The following GRIA2 variants were observed in gnomAD, a reference collection of about 807,000 sequenced individuals.
GRIA2 encodes glutamate ionotropic receptor AMPA type subunit 2.
Under a neutral mutation model 97.3 loss-of-function variants are expected in GRIA2, and 14 were observed. The ratio of observed to expected loss-of-function variants is 0.14; its 90% confidence interval spans 0.10 to 0.23. The LOEUF (loss-of-function observed/expected upper bound fraction) is 0.23. GRIA2 is among the 10% of genes least tolerant of loss of function. The pLI is 1.00. For synonymous variants in GRIA2, 412 were observed against 387.8 expected (o/e 1.06, Z -0.73); for missense variants, 558 against 1,069.8 (o/e 0.52, Z 6.67).
At chr4:157,304,246 A>G (rs1018771600) in intron 3 of GRIA2, among the ~76,000 whole-genome samples, 8 of 152,168 alleles carry the variant, frequency 5.3e-5, no homozygotes, top group African/African-American at 1.7e-4. Context: ...AGATTCCCGA[A>G]TCTCAGAGAA....
At chr4:157,298,376 C>T (rs944897221) in intron 2 of GRIA2, among the ~76,000 whole-genome samples, 4 of 151,918 alleles carry the variant, frequency 2.6e-5, no homozygotes, top group African/African-American at 9.7e-5. Context: ...TGATGGATGA[C>T]ATGCATAGGA....
chr4:157,255,320 C>T (rs1181446097), intron 2 of GRIA2, among the ~76,000 whole-genome samples: 8 of 151,912 alleles, frequency 5.3e-5, no homozygotes, highest in African/African-American at 1.4e-4. Flanking sequence ...TGGACATTTA[C>T]GTTTATTTCA....
At chr4:157,311,798 T>C (rs1734092422) in intron 3 of GRIA2, among the ~76,000 whole-genome samples, 1 of 151,974 alleles carries the variant, frequency 6.6e-6, no homozygotes, top group African/African-American at 2.4e-5. Context: ...CTGTGAATAG[T>C]AGAAATAATA....
At chr4:157,302,925 A>G (rs796444917) in intron 2 of GRIA2, among the ~76,000 whole-genome samples, 5 of 152,214 alleles carry the variant, frequency 3.3e-5, no homozygotes, top group African/African-American at 1.2e-4. Context: ...GTAGTGTAAC[A>G]TATAGGGTAA....
At chr4:157,303,225 A>G (rs919180872) in intron 2 of GRIA2, among the ~76,000 whole-genome samples, 1 of 152,156 alleles carries the variant, frequency 6.6e-6, no homozygotes, top group Non-Finnish European at 1.5e-5. Flanking sequence ...AGGAGACTAC[A>G]GTTTGTTCTT....
In GRIA2 at chr4:157,361,693, C is replaced by T. The variant is rs1355960879; in HGVS notation, c.2406+569C>T. On this transcript the variant is annotated intron_variant, in intron 14 of 15. Coordinates refer to ENST00000264426, the MANE Select transcript of GRIA2 (RefSeq NM_001083619.3). This position sits in a 1 kb window ranked among gnomAD's most constrained non-coding sequence, Gnocchi z 5.2. Reference sequence around the variant, plus strand: ...TTTTATGTGAAAAAACAAAATCAAACACAAACAGCAAAATCAAACCACAAG... The same window carrying T: ...TTTTATGTGAAAAAACAAAATCAAATACAAACAGCAAAATCAAACCACAAG... The T allele has an allele frequency of 1.5e-6, 2 of 1,375,990 alleles. No individual in the cohort carries two copies. Among genetic ancestry groups the T allele is most frequent in the African/African-American group, 2.8e-5 (2 of 70,244 alleles). 85.2% of individuals were successfully genotyped at this position (1,375,990 alleles called of 1,614,324 possible). A position where few individuals can be genotyped will look rare whatever the true frequency, so the allele number is the denominator to read the frequency against.
intron 6 of GRIA2, among the ~76,000 whole-genome samples, chr4:157,327,351 A>G (rs1311858001): frequency 4.6e-5 from 7 of 152,158 alleles, no homozygotes; most frequent in Non-Finnish European, 8.8e-5. Flanking sequence ...AGATTTCTGC[A>G]TGTGTCCTCT....
At chr4:157,331,370 G>A (rs1172944259) in intron 6 of GRIA2, among the ~76,000 whole-genome samples, 2 of 151,788 alleles carry the variant, frequency 1.3e-5, no homozygotes, top group African/African-American at 4.8e-5. Context: ...ATGTGAGCAA[G>A]CTAAGTCAAA....
intron 12 of GRIA2, among the ~76,000 whole-genome samples, chr4:157,350,918 AC>A (rs1350900298): frequency 6.7e-6 from 1 of 148,794 alleles, no homozygotes; most frequent in Non-Finnish European, 1.5e-5. Flanking sequence ...GTTTAATTTT[AC>A]ATTAGTTTTT....
chr4:157,345,910 A>G (rs1735744217), intron 12 of GRIA2, among the ~76,000 whole-genome samples: 2 of 152,200 alleles, frequency 1.3e-5, no homozygotes, highest in African/African-American at 4.8e-5. Flanking sequence ...TCTGCAAAAG[A>G]TAAATTTAGT....
intron 2 of GRIA2, among the ~76,000 whole-genome samples, chr4:157,285,587 G>T (rs1439058882): frequency 1.3e-5 from 2 of 149,288 alleles, no homozygotes; most frequent in East Asian, 3.9e-4. Flanking sequence ...GTGTGTGTAA[G>T]GCTTTTTTCC....
At chr4:157,267,391 C>CA (rs772189197) in intron 2 of GRIA2, among the ~76,000 whole-genome samples, 7,748 of 49,568 alleles carry the variant, frequency 0.16, 391 homozygotes, top group Non-Finnish European at 0.22. Context: ...GACTCCATCT[C>CA]AAAAAAAAAA....
chr4:157,280,023 G>A (rs1352828911), intron 2 of GRIA2, among the ~76,000 whole-genome samples: 1 of 152,106 alleles, frequency 6.6e-6, no homozygotes, highest in African/African-American at 2.4e-5. Flanking sequence ...TACTGGGGAG[G>A]CTGAGACAGA....
intron 2 of GRIA2, among the ~76,000 whole-genome samples, chr4:157,288,017 G>A (rs1732922798): frequency 1.3e-5 from 2 of 151,620 alleles, no homozygotes; most frequent in Admixed American, 6.6e-5. Context: ...AGTGAACCTA[G>A]TGTGCTGTAA....
chr4:157,228,051 T>C (rs575194495), intron 2 of GRIA2, among the ~76,000 whole-genome samples: 2 of 152,228 alleles, frequency 1.3e-5, no homozygotes, highest in African/African-American at 2.4e-5. Flanking sequence ...AATTTTAACT[T>C]ATAGAATGAA....
chr4:157,335,445 AT>A (rs1299226878), intron 9 of GRIA2: 2 of 534,442 alleles, frequency 3.7e-6, no homozygotes, highest in African/African-American at 3.8e-5. Context: ...TTAACTCAGT[AT>A]GCTTGCATAC....
chr4:157,324,591 T>C (rs1180156729), intron 6 of GRIA2, among the ~76,000 whole-genome samples: 1 of 152,064 alleles, frequency 6.6e-6, no homozygotes, highest in Non-Finnish European at 1.5e-5. Context: ...AAGTGCAAAA[T>C]GTACAGAGAC....
intron 2 of GRIA2, among the ~76,000 whole-genome samples, chr4:157,271,650 G>A (rs1732028279): frequency 1.3e-5 from 2 of 152,014 alleles, no homozygotes; most frequent in Admixed American, 1.3e-4. Flanking sequence ...GGCATGATTG[G>A]TTAAACCACT....
At chr4:157,223,850 T>C (rs1320209898) in intron 2 of GRIA2, among the ~76,000 whole-genome samples, 1 of 152,196 alleles carries the variant, frequency 6.6e-6, no homozygotes, top group Non-Finnish European at 1.5e-5. Flanking sequence ...AAATGAATAT[T>C]CCTTGATTTC....
Sources: allele counts gnomAD v4.1 joint callset (sites outside exome capture counted in the v4.1 genomes callset), GRCh38; gene constraint gnomAD v4.1.1; non-coding constraint Gnocchi (gnomAD v3.1); transcripts MANE v1.5; gene names NCBI Gene and HGNC (gene_info 2026-07-23, HGNC 2026-07-21).